Variants in CCSER1 observed in about 807,000 individuals in gnomAD.
CCSER1 encodes the protein coiled-coil serine rich protein 1, also known as serine-rich coiled-coil domain-containing protein 1.
Under a neutral mutation model 82.0 loss-of-function variants are expected in CCSER1, and 41 were observed. The ratio of observed to expected loss-of-function variants is 0.50; its 90% CI spans 0.39 to 0.65. The LOEUF is 0.65. Among genes scored for constraint, CCSER1 ranks in the 30% least tolerant of loss-of-function variants. CCSER1 has a pLI of 0.00. For missense variants in CCSER1, 1,119 were observed against 1,064.2 expected (o/e 1.05, Z -0.72); for synonymous variants, 414 against 383.9 (o/e 1.08, Z -0.92).
intron 10 of CCSER1, among the ~76,000 whole-genome samples, chr4:91,412,196 C>G (rs1186206932): frequency 6.6e-6 from 1 of 152,046 alleles, no homozygotes; most frequent in African/African-American, 2.4e-5. Context: ...AGCCTATCCC[C>G]CTGTAAATAT....
At chr4:91,045,310 A>C (rs1261509357) in intron 9 of CCSER1, among the ~76,000 whole-genome samples, 1 of 152,188 alleles carries the variant, frequency 6.6e-6, no homozygotes, top group Non-Finnish European at 1.5e-5. Context: ...TCTTGATTTA[A>C]TGTTATATAC....
At chr4:91,241,304 T>G (rs571636076) in intron 10 of CCSER1, among the ~76,000 whole-genome samples, 1 of 98,012 alleles carries the variant, frequency 1.0e-5, no homozygotes, top group Non-Finnish European at 1.9e-5. Context: ...TTTAGAACAC[T>G]GAAATCTCTA....
chr4:90,630,658 A>T (rs1216275558), intron 6 of CCSER1, among the ~76,000 whole-genome samples: 3 of 152,034 alleles, frequency 2.0e-5, no homozygotes, highest in Non-Finnish European at 4.4e-5. Context: ...AGTTCTACTA[A>T]GAAGATATTC....
intron 7 of CCSER1, among the ~76,000 whole-genome samples, chr4:90,801,141 A>G (rs1561160058): frequency 6.6e-6 from 1 of 152,212 alleles, no homozygotes; most frequent in Non-Finnish European, 1.5e-5. Flanking sequence ...TAACAAATTT[A>G]TCATTGTAAG....
intron 10 of CCSER1, among the ~76,000 whole-genome samples, chr4:91,321,078 G>A (rs1245627522): frequency 6.6e-6 from 1 of 151,938 alleles, no homozygotes; most frequent in Non-Finnish European, 1.5e-5. Flanking sequence ...TTATTTTATA[G>A]GTCAGCCCCA....
chr4:90,317,407 T>C (rs1736357880), intron 3 of CCSER1, among the ~76,000 whole-genome samples: 1 of 150,726 alleles, frequency 6.6e-6, no homozygotes, highest in East Asian at 2.0e-4. Context: ...AGGTCAGGAG[T>C]TCAAGACCAG....
Position 91,259,033 on chromosome 4 carries a change from A to G in CCSER1, c.2217+173039A>G, listed in dbSNP as rs190678999. ...TGAAATCTAAATTCAGCTTGCCACA[A>G]AAACAATTGTACACTGTAGGAAAGA... On this transcript the variant is annotated intron_variant, in intron 10 of 10. Coordinates refer to ENST00000509176, the MANE Select transcript of CCSER1 (RefSeq NM_001145065.2). 9.8e-5 allele frequency among the ~76,000 whole-genome samples: 15 copies of G among 152,292 alleles called. No homozygotes were observed. In the East Asian group the frequency reaches 2.7e-3, roughly 27 times the overall value.
At chr4:91,116,639 G>T (rs1290400521) in intron 10 of CCSER1, among the ~76,000 whole-genome samples, 1 of 152,166 alleles carries the variant, frequency 6.6e-6, no homozygotes, top group Non-Finnish European at 1.5e-5. Context: ...TTTGGAGATG[G>T]TGGTTGTTGT....
chr4:90,524,419 C>T (rs76791562), intron 5 of CCSER1, among the ~76,000 whole-genome samples: 5,379 of 152,152 alleles, frequency 0.035, 150 homozygotes, highest in Non-Finnish European at 0.055. Flanking sequence ...CCACAAGTAC[C>T]TTGTGTCTAA....
intron 6 of CCSER1, among the ~76,000 whole-genome samples, chr4:90,656,719 T>C (rs1729766973): frequency 6.6e-6 from 1 of 151,970 alleles, no homozygotes; most frequent in African/African-American, 2.4e-5. Flanking sequence ...CCTCTTGTTC[T>C]ATGTTCCTTT....
At chr4:91,489,775 G>A (rs1758414914) in intron 10 of CCSER1, among the ~76,000 whole-genome samples, 1 of 43,300 alleles carries the variant, frequency 2.3e-5, no homozygotes, top group South Asian at 1.0e-3. Flanking sequence ...GAGACAGAGC[G>A]AGACTCCATC....
At chr4:90,588,606 C>G (rs183508513) in intron 5 of CCSER1, among the ~76,000 whole-genome samples, 4 of 152,256 alleles carry the variant, frequency 2.6e-5, no homozygotes, top group African/African-American at 7.2e-5. Flanking sequence ...GCTTCCTGAC[C>G]TCTTTCATCC....
intron 10 of CCSER1, among the ~76,000 whole-genome samples, chr4:91,255,422 G>A (rs1581851082): frequency 6.6e-6 from 1 of 152,114 alleles, no homozygotes; most frequent in African/African-American, 2.4e-5. Flanking sequence ...GTTTTCAAAA[G>A]TGCAGTGTCT....
intron 10 of CCSER1, among the ~76,000 whole-genome samples, chr4:91,350,119 T>A (rs918581630): frequency 1.4e-5 from 2 of 147,392 alleles, no homozygotes; most frequent in Non-Finnish European, 3.0e-5. Flanking sequence ...AATTAAACCT[T>A]TAATACATAA....
chr4:90,946,723 A>G (rs1180569023), intron 9 of CCSER1, among the ~76,000 whole-genome samples: 1 of 152,198 alleles, frequency 6.6e-6, no homozygotes, highest in Non-Finnish European at 1.5e-5. Context: ...TGGTGACATA[A>G]CTAGAATGTA....
chr4:90,591,660 T>C (rs1560774181), intron 5 of CCSER1, among the ~76,000 whole-genome samples: 1 of 152,154 alleles, frequency 6.6e-6, no homozygotes, highest in Non-Finnish European at 1.5e-5. Flanking sequence ...GAAATACCAT[T>C]TGACTCCGCA....
At chr4:91,502,879 T>C (rs909083156) in intron 10 of CCSER1, among the ~76,000 whole-genome samples, 1 of 152,198 alleles carries the variant, frequency 6.6e-6, no homozygotes, top group Non-Finnish European at 1.5e-5. Context: ...TTAACATATA[T>C]TCAAATTGCA....
At chr4:91,028,031 A>G (rs1173687752) in intron 9 of CCSER1, among the ~76,000 whole-genome samples, 2 of 152,036 alleles carry the variant, frequency 1.3e-5, no homozygotes, top group African/African-American at 4.8e-5. Context: ...CAATATGTAT[A>G]AATTCAGCAA....
Position 91,297,896 on chromosome 4 carries a change from C to A in CCSER1, c.2217+211902C>A, listed in dbSNP as rs138557089. On this transcript the variant is annotated intron_variant, in intron 10 of 10. Coordinates refer to ENST00000509176, the MANE Select transcript of CCSER1 (RefSeq NM_001145065.2). ...GTTTGTAGCCACAATGATGTTAAATCTAGAGCCTGACCTTGAAAGACGTGC... is the reference window on the plus strand; with the variant it reads ...GTTTGTAGCCACAATGATGTTAAATATAGAGCCTGACCTTGAAAGACGTGC... Among the ~76,000 whole-genome samples, 30 of 152,082 alleles carry A rather than the reference C, an allele frequency of 2.0e-4. No homozygotes were observed. The East Asian group carries it at 5.6e-3, about 29-fold the overall frequency.
Sources: gnomAD v4.1 joint callset for allele counts (sites outside exome capture counted in the v4.1 genomes callset) on GRCh38, gnomAD v4.1.1 for gene constraint, MANE v1.5 for transcripts, NCBI Gene and HGNC (gene_info 2026-07-23, HGNC 2026-07-21) for gene names.